SHISA9: variants seen among roughly 807,000 people sequenced by gnomAD.
SHISA9 encodes protein shisa-9.
A neutral mutation model predicts 38.0 loss-of-function variants in SHISA9; 13 were observed. The observed-to-expected ratio is 0.34, with a 90% CI of 0.22 to 0.54. SHISA9 has a LOEUF of 0.54. Ranked by LOEUF, SHISA9 falls within the 20% of genes least tolerant of loss-of-function variation. The pLI, the probability that SHISA9 is intolerant of heterozygous loss-of-function variation, is 0.91. For synonymous variants in SHISA9, 275 were observed against 242.0 expected (o/e 1.14, Z -1.27); for missense variants, 538 against 575.8 (o/e 0.93, Z 0.67).
intron 2 of SHISA9, among the ~76,000 whole-genome samples, chr16:12,986,560 A>T (rs1016481398): frequency 6.6e-6 from 1 of 152,152 alleles, no homozygotes; most frequent in Admixed American, 6.6e-5. Context: ...ATGAGCTCGG[A>T]GGTCTTTTCA....
chr16:13,471,687 A>C, the SHISA9 span, among the ~76,000 whole-genome samples: 1 of 144,488 alleles, frequency 6.9e-6, no homozygotes, highest in Admixed American at 6.8e-5. Context: ...GACTTTGAGC[A>C]AGAAATCAGC....
At chr16:13,097,978 A>G (rs901843015) in intron 2 of SHISA9, among the ~76,000 whole-genome samples, 3 of 152,206 alleles carry the variant, frequency 2.0e-5, no homozygotes, top group Non-Finnish European at 1.5e-5. Flanking sequence ...TTAACTGAGC[A>G]CTTACTATGT....
At chr16:13,203,635 C>A (rs186258271) in intron 3 of SHISA9, 86 bp downstream of exon 3, 3 of 1,317,274 alleles carry the variant, frequency 2.3e-6, no homozygotes, top group East Asian at 5.5e-5. Flanking sequence ...CTCCAGTTTT[C>A]TTTCCTAATT....
At chr16:13,554,182 C>T in the SHISA9 span, among the ~76,000 whole-genome samples, 1 of 151,730 alleles carries the variant, frequency 6.6e-6, no homozygotes, top group South Asian at 2.1e-4. Context: ...TCCTCACCTC[C>T]AGGGGTGGGC....
chr16:13,527,556 A>G, the SHISA9 span, among the ~76,000 whole-genome samples: 1 of 152,240 alleles, frequency 6.6e-6, no homozygotes, highest in Non-Finnish European at 1.5e-5. Context: ...GTCAGCAGTC[A>G]GTATTTTTCT....
At chr16:13,472,119 T>C in the SHISA9 span, among the ~76,000 whole-genome samples, 3 of 152,200 alleles carry the variant, frequency 2.0e-5, no homozygotes, top group Admixed American at 6.5e-5. Flanking sequence ...TCTGACTCTT[T>C]AAGTGGGCTC....
intron 2 of SHISA9, among the ~76,000 whole-genome samples, chr16:12,946,718 C>G (rs376522357): frequency 7.2e-5 from 11 of 152,346 alleles, no homozygotes; most frequent in African/African-American, 2.6e-4. Context: ...AAGAGACATT[C>G]TCAATAGCCA....
chr16:13,347,074 TA>T, the SHISA9 span, among the ~76,000 whole-genome samples: 1 of 152,192 alleles, frequency 6.6e-6, no homozygotes, highest in African/African-American at 2.4e-5. Flanking sequence ...AGGAAAGTTG[TA>T]TTGTGCTTAT....
chr16:13,474,901 A>G, the SHISA9 span, among the ~76,000 whole-genome samples: 89 of 152,180 alleles, frequency 5.8e-4, 1 homozygote, highest in East Asian at 7.0e-3. Context: ...TGGGGAGTGA[A>G]GATGAAAGGG....
chr16:12,908,704 C>T, intron 1 of SHISA9: 1 of 1,491,630 alleles, frequency 6.7e-7, no homozygotes, highest in South Asian at 1.3e-5. Context: ...GCATCGGGGC[C>T]AGTTCAAGAA....
At chr16:12,918,559 T>C (rs2071288020) in intron 2 of SHISA9, among the ~76,000 whole-genome samples, 1 of 152,230 alleles carries the variant, frequency 6.6e-6, no homozygotes, top group Admixed American at 6.5e-5. Context: ...TAAGGCGTTT[T>C]CATTGAAAGT....
At chr16:13,032,885 C>G (rs1402645303) in intron 2 of SHISA9, among the ~76,000 whole-genome samples, 1 of 152,116 alleles carries the variant, frequency 6.6e-6, no homozygotes, top group Non-Finnish European at 1.5e-5. Flanking sequence ...TTCATAATAG[C>G]TAAGACAAAA....
intron 4 of SHISA9, among the ~76,000 whole-genome samples, chr16:13,221,097 G>A (rs2051220227): frequency 6.6e-6 from 1 of 152,096 alleles, no homozygotes; most frequent in African/African-American, 2.4e-5. Context: ...CTAAAAAAGG[G>A]CCAGGCTCCT....
At chr16:13,450,772 T>TTTG in the SHISA9 span, among the ~76,000 whole-genome samples, 3,792 of 152,060 alleles carry the variant, frequency 0.025, 141 homozygotes, top group East Asian at 0.21. Flanking sequence ...GTGTTGTTGT[T>TTTG]TTGTTGTTGT....
the SHISA9 span, among the ~76,000 whole-genome samples, chr16:13,297,470 T>C: frequency 6.6e-6 from 1 of 152,140 alleles, no homozygotes; most frequent in Non-Finnish European, 1.5e-5. Context: ...GATGATGGGA[T>C]GGAGAGTGCC....
At chr16:13,481,276 A>G in the SHISA9 span, among the ~76,000 whole-genome samples, 9 of 151,832 alleles carry the variant, frequency 5.9e-5, no homozygotes, top group Non-Finnish European at 1.2e-4. Flanking sequence ...ATTTTTTCCC[A>G]TCACCCAAGT....
chr16:13,333,191 A>G, the SHISA9 span, among the ~76,000 whole-genome samples: 3 of 152,106 alleles, frequency 2.0e-5, no homozygotes, highest in Non-Finnish European at 4.4e-5. Flanking sequence ...CAAGGGTCAA[A>G]CACTCCATCT....
At chr16:13,204,429 C>T (rs2051043726) in intron 3 of SHISA9, among the ~76,000 whole-genome samples, 1 of 152,102 alleles carries the variant, frequency 6.6e-6, no homozygotes, top group South Asian at 2.1e-4. Context: ...TCATTTGGTC[C>T]CACTGACACT....
the SHISA9 span, among the ~76,000 whole-genome samples, chr16:13,264,267 C>T: frequency 6.6e-6 from 1 of 151,508 alleles, no homozygotes; most frequent in Non-Finnish European, 1.5e-5. Context: ...CTCCACCTTC[C>T]AGGTTACAGT....
Sources: allele counts gnomAD v4.1 joint callset (sites outside exome capture counted in the v4.1 genomes callset), GRCh38; gene constraint gnomAD v4.1.1; transcripts MANE v1.5; gene names NCBI Gene and HGNC (gene_info 2026-07-23, HGNC 2026-07-21).